The following FILIP1 variants were observed in gnomAD, a reference collection of about 807,000 sequenced individuals.
FILIP1 encodes filamin A interacting protein 1.
FILIP1 carries 61 observed loss-of-function variants against 102.1 expected under a neutral mutation model. That is an observed-to-expected ratio of 0.60 (90% CI 0.49 to 0.74). The LOEUF (loss-of-function observed/expected upper bound fraction) is 0.74, where lower values mean the gene tolerates loss of function less well. FILIP1 is among the 30% of genes least tolerant of loss of function. The pLI is 0.00. For missense variants in FILIP1, 1,314 were observed against 1,441.2 expected (o/e 0.91, Z 1.43); for synonymous variants, 491 against 526.9 (o/e 0.93, Z 0.93).
intron 1 of FILIP1, among the ~76,000 whole-genome samples, chr6:75,440,937 C>A (rs1460084282): frequency 2.2e-5 from 3 of 137,178 alleles, no homozygotes; most frequent in Non-Finnish European, 4.6e-5. Context: ...CAACAAGGAG[C>A]GACGTCTCAA....
At chr6:75,395,461 TAG>T (rs369339213) in intron 2 of FILIP1, among the ~76,000 whole-genome samples, 25 of 152,118 alleles carry the variant, frequency 1.6e-4, no homozygotes, top group African/African-American at 5.6e-4. Flanking sequence ...GTATTTTTAG[TAG>T]AGACAGGGTT....
chr6:75,341,328 T>C (rs1402140930), intron 4 of FILIP1, among the ~76,000 whole-genome samples: 2 of 142,210 alleles, frequency 1.4e-5, no homozygotes, highest in African/African-American at 5.4e-5. Context: ...ACCTGGCTAA[T>C]TTTTTTTTTT....
In FILIP1 at chr6:75,313,479, C is replaced by G. The variant is rs910634974; in HGVS notation, c.2353G>C (p.Ala785Pro). Residue 785 changes from alanine to proline, a missense_variant, in exon 5 of 6, where the codon GCT becomes CCT. Transcript: ENST00000237172. This position sits in a 1 kb window ranked among gnomAD's most constrained non-coding sequence, Gnocchi z 4.2. Reference protein sequence around the residue: ...ELELSKRYSRALRPSVNGRRM... With the variant: ...ELELSKRYSRPLRPSVNGRRM... The stretch of plus-strand genomic sequence containing the variant: ...CTTCCATTCACACTGGGCCTAAGAG[C>G]TCTGCTGTAGCGCTTGGAAAGCTCC... The G allele has an allele frequency of 6.2e-7, 1 of 1,614,224 alleles. No individual in the cohort carries two copies. The highest frequency in any genetic ancestry group is 8.5e-7 in the Non-Finnish European group (1 of 1,180,042).
chr6:75,422,607 T>C (rs1033479913), intron 1 of FILIP1, among the ~76,000 whole-genome samples: 1 of 152,172 alleles, frequency 6.6e-6, no homozygotes, highest in South Asian at 2.1e-4. Flanking sequence ...TTAGGCATTA[T>C]CTCAGCAGTC....
intron 3 of FILIP1, among the ~76,000 whole-genome samples, chr6:75,359,163 G>A (rs765821036): frequency 2.6e-5 from 4 of 152,118 alleles, no homozygotes; most frequent in South Asian, 2.1e-4. Context: ...CCGCCACCAC[G>A]CCTGGCTAAG....
chr6:75,484,679 TA>T (rs1401317897), intron 1 of FILIP1, among the ~76,000 whole-genome samples: 12 of 152,256 alleles, frequency 7.9e-5, no homozygotes, highest in Admixed American at 4.6e-4. Flanking sequence ...CAGTACTAGA[TA>T]ATCAGATGGT....
chr6:75,485,367 G>C lies in FILIP1; in HGVS notation c.-7+8047C>G, dbSNP rs137954868. 2.0e-3 allele frequency among the ~76,000 whole-genome samples: 300 copies of C among 152,270 alleles called. 2 individuals are homozygous for C. The highest frequency in any genetic ancestry group is 6.7e-3 in the African/African-American group (277 of 41,536). On this transcript the variant is annotated intron_variant, in intron 1 of 5. Transcript: ENST00000237172. ...ACCAATAATGAATGTAGTGTGTTTGGGGATGGGGAGTTGGGGTGTGCTAGT... is the reference window on the plus strand; with the variant it reads ...ACCAATAATGAATGTAGTGTGTTTGCGGATGGGGAGTTGGGGTGTGCTAGT...
At chr6:75,372,419 C>T (rs1011426253) in intron 2 of FILIP1, among the ~76,000 whole-genome samples, 2 of 142,280 alleles carry the variant, frequency 1.4e-5, no homozygotes, top group Admixed American at 1.4e-4. Flanking sequence ...TATTGAAGAA[C>T]TCTTATGGCA....
At chr6:75,412,216 T>G (rs1249279838) in intron 2 of FILIP1, among the ~76,000 whole-genome samples, 2 of 152,230 alleles carry the variant, frequency 1.3e-5, no homozygotes, top group Admixed American at 6.5e-5. Context: ...GACTCTCTGT[T>G]TGTCTATTAT....
intron 2 of FILIP1, among the ~76,000 whole-genome samples, chr6:75,378,651 T>C (rs932713520): frequency 1.3e-5 from 2 of 152,152 alleles, no homozygotes; most frequent in African/African-American, 4.8e-5. Context: ...TTTCTTCCTG[T>C]CCAAACAACT....
intron 1 of FILIP1, among the ~76,000 whole-genome samples, chr6:75,458,447 C>G (rs1481518801): frequency 2.0e-5 from 3 of 152,072 alleles, no homozygotes; most frequent in African/African-American, 7.2e-5. Context: ...CTAAGCCTCA[C>G]AGCTAATTAA....
chr6:75,366,415 A>G (rs1331526086), intron 2 of FILIP1, among the ~76,000 whole-genome samples: 1 of 152,250 alleles, frequency 6.6e-6, no homozygotes, highest in African/African-American at 2.4e-5. Flanking sequence ...TAATTAAAAT[A>G]TAGGAATAAA....
intron 1 of FILIP1, among the ~76,000 whole-genome samples, chr6:75,478,422 T>C (rs1779551224): frequency 6.6e-6 from 1 of 152,160 alleles, no homozygotes; most frequent in Admixed American, 6.5e-5. Context: ...GGACACCTCA[T>C]AGGACACATT....
intron 2 of FILIP1, among the ~76,000 whole-genome samples, chr6:75,372,560 T>C (rs1582408471): frequency 7.6e-6 from 1 of 132,120 alleles, no homozygotes; most frequent in East Asian, 2.2e-4. Flanking sequence ...AAATCAAAAC[T>C]ACAATGAGAT....
intron 4 of FILIP1, among the ~76,000 whole-genome samples, chr6:75,321,178 G>A (rs1472888022): frequency 6.6e-6 from 1 of 152,112 alleles, no homozygotes; most frequent in Non-Finnish European, 1.5e-5. Flanking sequence ...AAAGTGTTGG[G>A]ATTACAATTG....
chr6:75,488,671 T>C (rs1475260284), intron 1 of FILIP1, among the ~76,000 whole-genome samples: 1 of 152,144 alleles, frequency 6.6e-6, no homozygotes, highest in Admixed American at 6.6e-5. Flanking sequence ...TAGAGACTTA[T>C]CCTTTCAACT....
intron 2 of FILIP1, among the ~76,000 whole-genome samples, chr6:75,379,976 C>G (rs1775857123): frequency 6.6e-6 from 1 of 152,102 alleles, no homozygotes; most frequent in African/African-American, 2.4e-5. Flanking sequence ...TCCTTAAGGA[C>G]TGAGATTTTT....
At chr6:75,295,084 C>T (rs1772636197) in exon 7 of FILIP1, 1 of 151,796 alleles carries the variant, frequency 6.6e-6, no homozygotes, top group African/African-American at 2.4e-5. Flanking sequence ...TGAGAACTAT[C>T]TTTATTTCAC....
At chr6:75,299,897 A>C (rs532583103) in intron 6 of FILIP1, among the ~76,000 whole-genome samples, 1 of 152,314 alleles carries the variant, frequency 6.6e-6, no homozygotes, top group South Asian at 2.1e-4. Flanking sequence ...CTTGAGATCC[A>C]AAGCTGTGTG....
Sources: gnomAD v4.1 joint callset for allele counts (sites outside exome capture counted in the v4.1 genomes callset) on GRCh38, gnomAD v4.1.1 for gene constraint, Gnocchi (gnomAD v3.1) non-coding constraint, MANE v1.5 for transcripts, NCBI Gene and HGNC (gene_info 2026-07-23, HGNC 2026-07-21) for gene names.